AEN: variants seen among roughly 807,000 people sequenced by gnomAD.
The protein encoded by AEN is apoptosis-enhancing nuclease.
In AEN, 21 loss-of-function variants were observed where a neutral mutation model predicts 17.7. That is an observed-to-expected ratio of 1.19 (90% CI 0.84 to 1.71). AEN has a LOEUF of 1.71. Among genes scored for constraint, AEN ranks in the 40% most tolerant of loss-of-function variants. The pLI is 0.00. For missense variants in AEN, 462 were observed against 435.9 expected (o/e 1.06, Z -0.53); for synonymous variants, 190 against 173.0 (o/e 1.10, Z -0.77).
At chr15:88,623,007 G>A (rs757427582) in intron 1 of AEN, among the ~76,000 whole-genome samples, 2 of 152,108 alleles carry the variant, frequency 1.3e-5, no homozygotes, top group Non-Finnish European at 2.9e-5. Context: ...TTGCCAGTAG[G>A]ATCAGGAAAG....
In AEN at chr15:88,630,193, A is replaced by G. The variant is rs758718004; in HGVS notation, c.877A>G (p.Ser293Gly). 1.5e-5 allele frequency: 24 copies of G among 1,612,996 alleles called. No homozygotes were observed. The highest frequency in any genetic ancestry group is 1.9e-5 in the Non-Finnish European group (22 of 1,179,634). ...TCPEDREPDS[S>G]TDMEQYMEDQ... ...CCCCGAGGACAGAGAACCTGACAGC[A>G]GCACAGACATGGAACAGTACATGGA... Residue 293 changes from serine to glycine, a missense_variant, in exon 4 of 4, where the codon AGC becomes GGC. Physicochemically the swap from Ser to Gly is moderately conservative, Grantham distance 56 (BLOSUM62 0). Coordinates refer to ENST00000332810, the MANE Select transcript of AEN (RefSeq NM_022767.4). The surrounding 1 kb of genome is among the most constrained non-coding windows in gnomAD (Gnocchi z 5.1).
chr15:88,619,708 C>A (rs1567100301), upstream of AEN, among the ~76,000 whole-genome samples: 1 of 151,496 alleles, frequency 6.6e-6, no homozygotes, highest in South Asian at 2.1e-4. Flanking sequence ...ACAAACAAAA[C>A]AAAAAAAACT....
intron 1 of AEN, among the ~76,000 whole-genome samples, chr15:88,625,055 T>A (rs1385597215): frequency 6.6e-6 from 1 of 152,090 alleles, no homozygotes; most frequent in East Asian, 1.9e-4. Context: ...CATCAGACAT[T>A]TCCTGTAGCA....
At chr15:88,610,272 C>T in the AEN span, among the ~76,000 whole-genome samples, 4 of 151,880 alleles carry the variant, frequency 2.6e-5, no homozygotes, top group East Asian at 5.8e-4. Flanking sequence ...GAAGGACTAA[C>T]CCTCCTCTCA....
upstream of AEN, among the ~76,000 whole-genome samples, chr15:88,618,272 G>A (rs1034826510): frequency 4.6e-5 from 7 of 151,566 alleles, no homozygotes; most frequent in African/African-American, 1.2e-4. Context: ...CTTCTGCTAC[G>A]GAGTTTTATC....
chr15:88,619,848 T>A (rs1235514380), upstream of AEN, among the ~76,000 whole-genome samples: 1 of 152,182 alleles, frequency 6.6e-6, no homozygotes, highest in Non-Finnish European at 1.5e-5. Context: ...CAAATGCTAC[T>A]TAGGTGGGGA....
chr15:88,612,762 G>A, the AEN span, among the ~76,000 whole-genome samples: 1 of 151,934 alleles, frequency 6.6e-6, no homozygotes, highest in Admixed American at 6.6e-5. Context: ...CACCAACTCA[G>A]CTAATTTTTT....
chr15:88,611,142 AGGCTTCC>A, the AEN span, among the ~76,000 whole-genome samples: 3 of 152,240 alleles, frequency 2.0e-5, no homozygotes, highest in Non-Finnish European at 4.4e-5. Flanking sequence ...CCATGCCCAT[AGGCTTCC>A]AGAAGGGGGA....
At chr15:88,626,100 T>C in intron 1 of AEN, 46 bp from the exon 2 acceptor site, 2 of 1,300,906 alleles carry the variant, frequency 1.5e-6, no homozygotes, top group Non-Finnish European at 2.0e-6. Context: ...GTGGGCTGCC[T>C]GGCACACTCT....
upstream of AEN, among the ~76,000 whole-genome samples, chr15:88,619,814 A>G (rs1217931068): frequency 1.3e-5 from 2 of 152,084 alleles, no homozygotes; most frequent in Non-Finnish European, 2.9e-5. Flanking sequence ...GCTGCCTCCT[A>G]AGTAGCATTT....
At chr15:88,627,638 G>A (rs1596030735) in intron 2 of AEN, 3 of 152,300 alleles carry the variant, frequency 2.0e-5, no homozygotes. Context: ...AGTCAGACAG[G>A]AAGTGTGACA....
the AEN span, chr15:88,611,787 G>T: frequency 2.2e-6 from 1 of 454,882 alleles, no homozygotes. Flanking sequence ...TGGTGGCGAG[G>T]GGAGGGGGGT....
At chr15:88,624,613 G>C (rs911089602) in intron 1 of AEN, among the ~76,000 whole-genome samples, 1 of 152,204 alleles carries the variant, frequency 6.6e-6, no homozygotes, top group African/African-American at 2.4e-5. Context: ...GCCGAATATG[G>C]TGGCCCACGC....
the AEN span, among the ~76,000 whole-genome samples, chr15:88,608,741 T>C: frequency 6.6e-6 from 1 of 152,252 alleles, no homozygotes; most frequent in Admixed American, 6.5e-5. Context: ...GCTTTTGGCC[T>C]GAATTTTCAG....
the AEN span, among the ~76,000 whole-genome samples, chr15:88,606,861 T>C: frequency 4.3e-4 from 66 of 152,330 alleles, no homozygotes; most frequent in African/African-American, 1.5e-3. Flanking sequence ...CATGGCTTCA[T>C]TTCTCCAGGA....
rs774391235 is a variant in AEN at position 88,626,546 on chromosome 15, A to G, written c.337A>G (p.Ile113Val). 4.3e-6 allele frequency: 7 copies of G among 1,614,142 alleles called. No individual in the cohort carries two copies. Among genetic ancestry groups the G allele is most frequent in the South Asian group, 3.3e-5 (3 of 91,088 alleles). ...SGPLPSKCVA[I>V]DCEMVGTGPR... ...GCCCTTGCCCAGCAAGTGTGTGGCT[A>G]TCGACTGTGAGATGGTGGGCACGGG... Residue 113 changes from isoleucine to valine, a missense_variant, in exon 2 of 4, where the codon ATC becomes GTC. Ile to Val is a conservative substitution (Grantham distance 29). Transcript: ENST00000332810.
chr15:88,611,705 G>C, the AEN span: 1 of 305,476 alleles, frequency 3.3e-6, no homozygotes, highest in Non-Finnish European at 6.7e-6. Flanking sequence ...GTGAGGAGAG[G>C]TGTTCAAAGA....
At chr15:88,629,887 G>C (rs1431027892) in intron 3 of AEN, among the ~76,000 whole-genome samples, 171 bp from the exon 4 acceptor site, 1 of 152,216 alleles carries the variant, frequency 6.6e-6, no homozygotes, top group Non-Finnish European at 1.5e-5. Flanking sequence ...TGGAGAAGCT[G>C]CATGGCTTAT....
At chr15:88,628,966 C>T in intron 2 of AEN, 1 of 465,428 alleles carries the variant, frequency 2.1e-6, no homozygotes, top group East Asian at 3.9e-5. Context: ...TCCTTAGAGC[C>T]ACCCCACGGA....
Sources: allele counts gnomAD v4.1 joint callset (sites outside exome capture counted in the v4.1 genomes callset), GRCh38; gene constraint gnomAD v4.1.1; non-coding constraint Gnocchi (gnomAD v3.1); transcripts MANE v1.5; gene names NCBI Gene and HGNC (gene_info 2026-07-23, HGNC 2026-07-21).